The following PCDHA1 variants were observed in gnomAD, a reference collection of about 807,000 sequenced individuals.
PCDHA1 encodes the protein protocadherin alpha 1, also known as protocadherin alpha-1.
Under a neutral mutation model 61.3 loss-of-function variants are expected in PCDHA1, and 42 were observed. That is an observed-to-expected ratio of 0.69 (90% CI 0.54 to 0.89). PCDHA1 has a LOEUF of 0.89. PCDHA1 is among the 40% of genes least tolerant of loss of function. The pLI is 0.00. For missense variants in PCDHA1, 1,256 were observed against 1,235.3 expected (o/e 1.02, Z -0.25); for synonymous variants, 610 against 553.8 (o/e 1.10, Z -1.43).
intron 1 of PCDHA1, among the ~76,000 whole-genome samples, chr5:140,845,801 G>C (rs1219755602): frequency 1.3e-5 from 2 of 149,630 alleles, no homozygotes; most frequent in African/African-American, 4.9e-5. Flanking sequence ...TCTGGCAAGT[G>C]ATAGGTACAT....
Position 141,009,900 on chromosome 5 carries a change from A to G in PCDHA1, c.2816A>G (p.Glu939Gly). The G allele has an allele frequency of 6.2e-7, 1 of 1,613,166 alleles. No individual in the cohort carries two copies. The highest frequency in any genetic ancestry group is 8.5e-7 in the Non-Finnish European group (1 of 1,179,840). Residue 939 changes from glutamate (E) to glycine (G), a missense_variant, in exon 4 of 4, where the codon GAG becomes GGG. Physicochemically the swap from Glu to Gly is moderately conservative, Grantham distance 98. Coordinates refer to ENST00000504120, the MANE Select transcript of PCDHA1 (RefSeq NM_018900.4). Reference sequence around the variant, plus strand: ...GGTAACAAGACCCAGGAGAAAAAAGAGAAAGGGAACAGCACGACTGACAAC... The same window carrying G: ...GGTAACAAGACCCAGGAGAAAAAAGGGAAAGGGAACAGCACGACTGACAAC... ...KKGNKTQEKK[E>G]KGNSTTDNSD...
At chr5:140,831,917 A>C (rs73791796) in intron 1 of PCDHA1, among the ~76,000 whole-genome samples, 1 of 152,160 alleles carries the variant, frequency 6.6e-6, no homozygotes, top group South Asian at 2.1e-4. Flanking sequence ...TGCTTAAAAA[A>C]TTTGCTACTA....
chr5:140,832,477 ACT>A (rs1371663743), intron 1 of PCDHA1, among the ~76,000 whole-genome samples: 3 of 152,182 alleles, frequency 2.0e-5, no homozygotes, highest in African/African-American at 4.8e-5. Context: ...AAAAAAACTA[ACT>A]CTACATACTT....
At chr5:140,975,160 T>G (rs2096656216) in intron 1 of PCDHA1, among the ~76,000 whole-genome samples, 1 of 152,194 alleles carries the variant, frequency 6.6e-6, no homozygotes, top group African/African-American at 2.4e-5. Flanking sequence ...CCTAGAGAAC[T>G]GAGGACTCAG....
At position 140,856,318 on chromosome 5, in the gene PCDHA1, C is replaced by T. The variant is rs200204071; in HGVS notation, c.2394+67634C>T. 8.1e-6 allele frequency: 13 copies of T among 1,598,576 alleles called. 2 individuals are homozygous for T. The African/African-American group carries it at 1.7e-4, about 21-fold the overall frequency. On this transcript the variant is annotated intron_variant, in intron 1 of 3. Transcript: ENST00000504120. ...TTTTGTTTGTGAATTCTCGGATTGACCGCGAGGAGCTGTGCGGGCGGAGCG... is the reference window on the plus strand; with the variant it reads ...TTTTGTTTGTGAATTCTCGGATTGATCGCGAGGAGCTGTGCGGGCGGAGCG...
chr5:140,865,091 A>G (rs1010954942), intron 1 of PCDHA1: 3 of 152,218 alleles, frequency 2.0e-5, no homozygotes, highest in Non-Finnish European at 4.4e-5. Context: ...GATATTAATA[A>G]AGGCACTTCC....
At chr5:140,849,904 C>A in intron 1 of PCDHA1, 1 of 1,598,318 alleles carries the variant, frequency 6.3e-7, no homozygotes, top group Non-Finnish European at 8.6e-7. Context: ...AACAACCCGC[C>A]GGGCTGCCAC....
At chr5:140,884,158 G>T (rs376345503) in intron 1 of PCDHA1, 6 of 1,613,488 alleles carry the variant, frequency 3.7e-6, no homozygotes, top group Non-Finnish European at 5.1e-6. Context: ...ACACTGGCGA[G>T]ATCAGCACGA....
intron 1 of PCDHA1, chr5:140,966,883 T>A (rs155364): frequency 0.52 from 832,487 of 1,587,228 alleles, 220,297 homozygotes; most frequent in African/African-American, 0.71. Flanking sequence ...TACCTGGCCC[T>A]GCGGCCTCCC....
chr5:140,877,546 G>T, intron 1 of PCDHA1: 4 of 1,613,794 alleles, frequency 2.5e-6, no homozygotes, highest in Non-Finnish European at 3.4e-6. Flanking sequence ...TCCCGAAGCG[G>T]CTCTGGTGGA....
At chr5:140,789,490 A>T (rs528377966) in intron 1 of PCDHA1, among the ~76,000 whole-genome samples, 1 of 151,980 alleles carries the variant, frequency 6.6e-6, no homozygotes, top group Admixed American at 6.6e-5. Context: ...CCAACCAAAC[A>T]AACAAAAAAC....
intron 1 of PCDHA1, chr5:140,929,129 C>A (rs1206531954): frequency 6.2e-7 from 1 of 1,614,052 alleles, no homozygotes; most frequent in East Asian, 2.2e-5. Context: ...GATGTCACTA[C>A]AGTTGAGAGA....
At chr5:140,831,986 C>T (rs2150198716) in intron 1 of PCDHA1, among the ~76,000 whole-genome samples, 20 of 152,252 alleles carry the variant, frequency 1.3e-4, no homozygotes, top group African/African-American at 3.9e-4. Context: ...ACTCTCATTA[C>T]GGATTCCATA....
chr5:140,839,198 C>T (rs1030704020), intron 1 of PCDHA1, among the ~76,000 whole-genome samples: 23 of 106,832 alleles, frequency 2.2e-4, no homozygotes, highest in Non-Finnish European at 4.1e-4. Flanking sequence ...CTATAAATAT[C>T]TTTGACCTTC....
rs868907785 is a variant in PCDHA1, at chr5:140,803,601, T to A, written c.2394+14917T>A. The A allele has an allele frequency of 1.9e-6, 3 of 1,614,046 alleles. No individual in the cohort carries two copies. The South Asian group carries it at 3.3e-5, about 18-fold the overall frequency. ...TGATCTCTCAGCCAAAGTGAGTAAT[T>A]TTTATTTATTCTTTCCAAAATGTCT... On this transcript the variant is annotated intron_variant, in intron 1 of 3. Transcript: ENST00000504120.
chr5:140,916,561 G>A (rs1038683507), intron 1 of PCDHA1, among the ~76,000 whole-genome samples: 9 of 152,180 alleles, frequency 5.9e-5, no homozygotes, highest in African/African-American at 2.2e-4. Context: ...TTTGTCCAGG[G>A]TGTGTCTAGA....
chr5:141,000,361 GTCTCTCTCTC>G lies in PCDHA1; in HGVS notation c.2543-9240_2543-9231del, dbSNP rs148596731. Reference sequence around the variant, plus strand: ...CCTATCTCTCTCTCTGTCTCTCTCTGTCTCTCTCTCTCTCTCTCTCTCTCTCTCTCTCTCT... The same window carrying G: ...CCTATCTCTCTCTCTGTCTCTCTCTGTCTCTCTCTCTCTCTCTCTCTCTCT... On this transcript the variant is annotated intron_variant, in intron 3 of 3. Transcript: ENST00000504120. 0.019 allele frequency among the ~76,000 whole-genome samples: 511 copies of G among 26,396 alleles called. 13 individuals carry two copies. In the Middle Eastern group the frequency reaches 0.2, roughly 10 times the overall value. The allele number at this position is 26,396 out of a possible 152,430, so 17.3% of individuals were successfully genotyped here.
At chr5:140,803,661 G>C in intron 1 of PCDHA1, 1 of 1,607,224 alleles carries the variant, frequency 6.2e-7, no homozygotes. Flanking sequence ...CACTCCTCTG[G>C]AAATACATTA....
chr5:140,931,864 T>G (rs1554208617), intron 1 of PCDHA1, among the ~76,000 whole-genome samples: 1 of 151,976 alleles, frequency 6.6e-6, no homozygotes, highest in African/African-American at 2.4e-5. Flanking sequence ...ATTCTAGAAA[T>G]AAAATATTTA....
Sources: allele counts gnomAD v4.1 joint callset (sites outside exome capture counted in the v4.1 genomes callset), GRCh38; gene constraint gnomAD v4.1.1; transcripts MANE v1.5; gene names NCBI Gene and HGNC (gene_info 2026-07-23, HGNC 2026-07-21).